SMAD9: variants seen among roughly 807,000 people sequenced by gnomAD.
SMAD9 encodes the protein MAD homolog 9.
A neutral mutation model predicts 46.1 loss-of-function variants in SMAD9; 36 were observed. The observed-to-expected ratio is 0.78, with a 90% confidence interval of 0.60 to 1.03. The LOEUF (loss-of-function observed/expected upper bound fraction) is 1.03, where lower values mean the gene tolerates loss of function less well. Ranked by LOEUF, SMAD9 falls within the 50% of genes least tolerant of loss-of-function variation. The probability of loss-of-function intolerance (pLI) is 0.00; values close to 1 mark genes in which losing one functional copy is unlikely to be tolerated. For missense variants in SMAD9, 572 were observed against 599.8 expected (o/e 0.95, Z 0.48); for synonymous variants, 245 against 237.1 (o/e 1.03, Z -0.31).
At chr13:36,910,792 CAT>C (rs2058655242) in intron 1 of SMAD9, among the ~76,000 whole-genome samples, 1 of 152,178 alleles carries the variant, frequency 6.6e-6, no homozygotes, top group Non-Finnish European at 1.5e-5. Context: ...CAGCACCTAA[CAT>C]GTGCTAGTCA....
At chr13:36,882,055 G>A (rs1172127826) in intron 1 of SMAD9, among the ~76,000 whole-genome samples, 2 of 151,990 alleles carry the variant, frequency 1.3e-5, no homozygotes, top group Non-Finnish European at 2.9e-5. Context: ...TGTTTGGTTC[G>A]TTTTTTTAAA....
chr13:36,873,920 T>A (rs960339533), intron 2 of SMAD9, among the ~76,000 whole-genome samples: 1 of 152,236 alleles, frequency 6.6e-6, no homozygotes, highest in Non-Finnish European at 1.5e-5. Context: ...TCATTTACTA[T>A]GCTTTTCTGG....
intron 5 of SMAD9, among the ~76,000 whole-genome samples, chr13:36,864,057 G>A (rs764956857): frequency 1.3e-5 from 2 of 152,182 alleles, no homozygotes; most frequent in Non-Finnish European, 2.9e-5. Flanking sequence ...AATCTGCAAA[G>A]CTCCTCAGCA....
At position 36,856,049 on chromosome 13, in the gene SMAD9, G is replaced by T. The variant is rs1428108221; in HGVS notation, c.1004-2374C>A. Among the ~76,000 whole-genome samples the T allele has an allele frequency of 2.6e-5, 4 of 152,164 alleles. No homozygotes were observed. The East Asian group carries it at 7.7e-4, about 29-fold the overall frequency. On this transcript the variant is annotated intron_variant, in intron 5 of 6. Transcript: ENST00000379826. The stretch of plus-strand genomic sequence containing the variant: ...CAGGGCCTAGGTGGTGGTGCCAGGG[G>T]GCAGAAGGATGGTCCTAACTGGCTG...
chr13:36,910,033 T>C (rs1337099260), intron 1 of SMAD9, among the ~76,000 whole-genome samples: 1 of 151,744 alleles, frequency 6.6e-6, no homozygotes, highest in Non-Finnish European at 1.5e-5. Context: ...CCATCTCTAC[T>C]AAAAATACAA....
chr13:36,878,314 C>T lies in SMAD9; in HGVS notation c.412+964G>A, dbSNP rs569517189. Among the ~76,000 whole-genome samples, 14 of 152,254 alleles carry T rather than the reference C, an allele frequency of 9.2e-5. No individual in the cohort carries two copies. In the East Asian group the frequency reaches 1.7e-3, roughly 19 times the overall value. The stretch of plus-strand genomic sequence containing the variant: ...CCAAGATTATGATACTGTACTTTTG[C>T]TGTACCTCTTCTATGTTTAGATCTG... On this transcript the variant is annotated intron_variant, in intron 2 of 6. Coordinates refer to ENST00000379826, the MANE Select transcript of SMAD9 (RefSeq NM_001127217.3).
intron 1 of SMAD9, among the ~76,000 whole-genome samples, chr13:36,896,176 A>G (rs1566035191): frequency 6.6e-6 from 1 of 151,926 alleles, no homozygotes; most frequent in Non-Finnish European, 1.5e-5. Context: ...TCTTTTGCCC[A>G]GGCTGAAGTG....
intron 2 of SMAD9, among the ~76,000 whole-genome samples, chr13:36,873,755 C>A: frequency 6.6e-6 from 1 of 152,050 alleles, no homozygotes. Context: ...CCCAGCTATT[C>A]AGGAGGCTGA....
intron 1 of SMAD9, among the ~76,000 whole-genome samples, 159 bp from the exon 2 acceptor site, chr13:36,880,034 C>T (rs1370833902): frequency 2.6e-5 from 4 of 152,164 alleles, no homozygotes; most frequent in Non-Finnish European, 5.9e-5. Context: ...TGCACTCCAG[C>T]CTGAGCAACA....
Position 36,879,442 on chromosome 13 carries a change from T to TG in SMAD9, c.247dup (p.His83ProfsTer32). 1 of 1,613,754 alleles carries TG rather than the reference T, an allele frequency of 6.2e-7. No homozygotes were observed. Among genetic ancestry groups the TG allele is most frequent in the Non-Finnish European group, 8.5e-7 (1 of 1,180,008 alleles). ...AATCACATGGGGCAGGCCCTTGCGG[T>TG]GGGACACCTGCAGCCGCCCGTCCAG... On this transcript the variant is annotated frameshift_variant, in exon 2 of 7. Transcript: ENST00000379826. LOFTEE classifies it high-confidence loss of function.
chr13:36,846,608 T>C lies in SMAD9; in HGVS notation c.*2068A>G, dbSNP rs540526413. The C allele has an allele frequency of 1.3e-5, 2 of 151,806 alleles. No homozygotes were observed. Among genetic ancestry groups the C allele is most frequent in the Non-Finnish European group, 2.9e-5 (2 of 67,982 alleles). 9.4% of individuals were successfully genotyped at this position (151,806 alleles called of 1,614,324 possible). On this transcript the variant is annotated 3_prime_UTR_variant, in exon 7 of 7. Coordinates refer to ENST00000379826, the MANE Select transcript of SMAD9 (RefSeq NM_001127217.3). ...CCCATGGAATGGTTCCCATACAAGA[T>C]TCACCATATTAATGCCTTTTCTAAG...
chr13:36,911,158 A>AC (rs1273806029), intron 1 of SMAD9, among the ~76,000 whole-genome samples: 1 of 151,994 alleles, frequency 6.6e-6, no homozygotes, highest in Admixed American at 6.6e-5. Context: ...GGCACGCCCC[A>AC]CCAAGACCAG....
At chr13:36,896,238 T>C (rs1380545777) in intron 1 of SMAD9, among the ~76,000 whole-genome samples, 1 of 152,008 alleles carries the variant, frequency 6.6e-6, no homozygotes, top group East Asian at 1.9e-4. Flanking sequence ...GCTCAAGCAG[T>C]CCTCCCACCT....
chr13:36,871,581 C>G (rs1328670839), intron 3 of SMAD9, among the ~76,000 whole-genome samples: 1 of 151,582 alleles, frequency 6.6e-6, no homozygotes, highest in Non-Finnish European at 1.5e-5. Context: ...ATTCAATAAG[C>G]AACTGATGAG....
At chr13:36,908,841 T>A (rs1262276767) in intron 1 of SMAD9, among the ~76,000 whole-genome samples, 1 of 152,252 alleles carries the variant, frequency 6.6e-6, no homozygotes, top group Non-Finnish European at 1.5e-5. Flanking sequence ...CTGGATTTTT[T>A]ATATTCACAC....
At chr13:36,919,357 G>C (rs901563931) in intron 1 of SMAD9, among the ~76,000 whole-genome samples, 1 of 151,992 alleles carries the variant, frequency 6.6e-6, no homozygotes, top group Non-Finnish European at 1.5e-5. Context: ...CCTCCCCTCT[G>C]CGGAGAGCTG....
chr13:36,870,576 C>T (rs1462081255), intron 3 of SMAD9, among the ~76,000 whole-genome samples: 1 of 150,686 alleles, frequency 6.6e-6, no homozygotes, highest in Non-Finnish European at 1.5e-5. Flanking sequence ...TATGTGATGG[C>T]TCTCAATAGC....
chr13:36,919,408 T>G (rs2058723615), intron 1 of SMAD9, among the ~76,000 whole-genome samples: 1 of 151,964 alleles, frequency 6.6e-6, no homozygotes, highest in Admixed American at 6.6e-5. Context: ...ACACCCCGGC[T>G]CCGACACAGT....
intron 5 of SMAD9, among the ~76,000 whole-genome samples, chr13:36,861,728 A>G (rs1297328535): frequency 6.7e-6 from 1 of 148,450 alleles, no homozygotes; most frequent in African/African-American, 2.5e-5. Flanking sequence ...CAGGAGTTCG[A>G]GACCAGCCTG....
Sources: gnomAD v4.1 joint callset for allele counts (sites outside exome capture counted in the v4.1 genomes callset) on GRCh38, gnomAD v4.1.1 for gene constraint, MANE v1.5 for transcripts, NCBI Gene and HGNC (gene_info 2026-07-23, HGNC 2026-07-21) for gene names.